ZBTB46: variants seen among roughly 807,000 people sequenced by gnomAD.
The protein encoded by ZBTB46 is zinc finger and BTB domain-containing protein 46.
Under a neutral mutation model 44.1 loss-of-function variants are expected in ZBTB46, and 8 were observed. The observed-to-expected ratio is 0.18, with a 90% CI of 0.11 to 0.33. The LOEUF (loss-of-function observed/expected upper bound fraction) is 0.33. ZBTB46 is among the 10% of genes least tolerant of loss of function. The pLI is 1.00. For synonymous variants in ZBTB46, 409 were observed against 382.3 expected (o/e 1.07, Z -0.81); for missense variants, 651 against 847.7 (o/e 0.77, Z 2.88).
At chr20:63,830,577 G>C (rs1479072977) in intron 1 of ZBTB46, among the ~76,000 whole-genome samples, 3 of 150,244 alleles carry the variant, frequency 2.0e-5, no homozygotes, top group Non-Finnish European at 4.5e-5. Context: ...TCCGACTCTT[G>C]GCAAACTCGG....
intron 1 of ZBTB46, among the ~76,000 whole-genome samples, chr20:63,801,143 G>A (rs952555201): frequency 1.1e-4 from 16 of 152,130 alleles, no homozygotes; most frequent in African/African-American, 3.4e-4. Context: ...ACCAATCAGT[G>A]CTCTGTGTCT....
intron 3 of ZBTB46, among the ~76,000 whole-genome samples, chr20:63,772,929 G>T (rs2092389003): frequency 6.6e-6 from 1 of 152,282 alleles, no homozygotes; most frequent in African/African-American, 2.4e-5. Context: ...GTGCTCCGGG[G>T]CTCGCTTCCG....
intron 4 of ZBTB46, among the ~76,000 whole-genome samples, chr20:63,747,542 G>GGC (rs1555835449): frequency 1.3e-4 from 13 of 103,760 alleles, no homozygotes; most frequent in Admixed American, 1.9e-4. Flanking sequence ...TGGGTGGGGG[G>GGC]GGTGCGGGGG....
At chr20:63,797,266 C>T (rs960072325) in intron 1 of ZBTB46, among the ~76,000 whole-genome samples, 3 of 149,650 alleles carry the variant, frequency 2.0e-5, no homozygotes, top group Admixed American at 1.4e-4. Flanking sequence ...GGTTTTCTGT[C>T]CTTGTGATAG....
intron 3 of ZBTB46, among the ~76,000 whole-genome samples, chr20:63,766,604 G>A (rs1204177188): frequency 6.6e-6 from 1 of 151,870 alleles, no homozygotes; most frequent in Non-Finnish European, 1.5e-5. Context: ...TGCATAAAGA[G>A]GCGTCTGGCA....
intron 3 of ZBTB46, among the ~76,000 whole-genome samples, chr20:63,758,446 T>C (rs969963030): frequency 1.3e-5 from 2 of 152,004 alleles, no homozygotes; most frequent in Admixed American, 1.3e-4. Flanking sequence ...ACCCTGGTGC[T>C]TCCCCATGTG....
rs747709763 is a variant in ZBTB46 at position 63,790,656 on chromosome 20, G to A, written c.102C>T (p.Cys34=). The A allele has an allele frequency of 4.0e-5, 65 of 1,611,608 alleles. No homozygotes were observed. In the South Asian group the frequency reaches 6.9e-4, roughly 17 times the overall value. The change falls in exon 2 of 5, where the codon TGC becomes TGT. Residue 34 remains cysteine (C), a synonymous_variant. Transcript: ENST00000245663. ...TGAAGACCTTGCCCTCCACGACCAC[G>A]CAGACGTCGCACAGGACGCCGTGCT... The part of the protein sequence containing the change: ...QRQHGVLCDV[C]VVVEGKVFKA...
At position 63,766,205 on chromosome 20, in the gene ZBTB46, C is replaced by CT. The variant is rs10525501; in HGVS notation, c.1222+9472dup. On this transcript the variant is annotated intron_variant, in intron 3 of 4. Coordinates refer to ENST00000245663, the MANE Select transcript of ZBTB46 (RefSeq NM_001369741.1). ...TCTCAGGCCCAACAGCTGAGAGATC[C>CT]TTTTTTTTTTTTTTTTTTTTTTTTT... Among the ~76,000 whole-genome samples the CT allele has an allele frequency of 8.8e-3, 717 of 81,714 alleles. 39 individuals carry two copies. The highest frequency in any genetic ancestry group is 0.025 in the Middle Eastern group (4 of 160). 53.6% of individuals were successfully genotyped at this position (81,714 alleles called of 152,430 possible).
In ZBTB46 at chr20:63,746,918, C is replaced by T. The variant is rs759301065; in HGVS notation, c.*12G>A. On this transcript the variant is annotated 3_prime_UTR_variant, in exon 5 of 5. Coordinates refer to ENST00000245663, the MANE Select transcript of ZBTB46 (RefSeq NM_001369741.1). ...GGAGCGAGGCAGCCACCGACCCTGC[C>T]GGCGGGCGGGCCTAGGAGAGCCAGG... The T allele has an allele frequency of 4.8e-5, 73 of 1,513,246 alleles. No homozygotes were observed. The highest frequency in any genetic ancestry group is 1.4e-4 in the South Asian group (11 of 78,002). 93.7% of individuals were successfully genotyped at this position (1,513,246 alleles called of 1,614,324 possible).
At chr20:63,806,212 GC>G (rs2092680254) in intron 1 of ZBTB46, among the ~76,000 whole-genome samples, 1 of 149,794 alleles carries the variant, frequency 6.7e-6, no homozygotes, top group African/African-American at 2.4e-5. Flanking sequence ...GACCAACCTG[GC>G]CAACATAGTG....
intron 1 of ZBTB46, among the ~76,000 whole-genome samples, chr20:63,791,729 C>A (rs986009582): frequency 1.3e-5 from 2 of 152,178 alleles, no homozygotes; most frequent in East Asian, 3.9e-4. Flanking sequence ...TGAGACACGA[C>A]TGGTCTCTGG....
intron 1 of ZBTB46, among the ~76,000 whole-genome samples, chr20:63,822,777 G>C (rs1301456549): frequency 4.6e-5 from 7 of 152,288 alleles, no homozygotes; most frequent in African/African-American, 1.7e-4. Context: ...ACTTTGGGAG[G>C]CTGAGGCAGG....
rs777303570 is a variant in ZBTB46 at position 63,747,211 on chromosome 20, G to A, written c.1489C>T (p.Arg497Cys). 3.1e-6 allele frequency: 5 copies of A among 1,602,348 alleles called. No individual in the cohort carries two copies. The highest frequency in any genetic ancestry group is 2.3e-5 in the East Asian group (1 of 44,260). ...GCACAGTCGGTGCACACACCGTGGC[G>A]CCTGGAGCCATGCCTGATGCCCACG... ...ASVGIRHGSR[R>C]HGVCTDCAGR... Residue 497 changes from arginine to cysteine, a missense_variant, in exon 5 of 5, where the codon CGC (arginine) becomes TGC (cysteine). By Grantham distance (180) the Arg-to-Cys change is radical. Around this residue, in one of 5 missense-constraint regions of ZBTB46, gnomAD observed 75 missense variants for 107.8 expected, o/e 0.70. Coordinates refer to ENST00000245663, the MANE Select transcript of ZBTB46 (RefSeq NM_001369741.1).
intron 3 of ZBTB46, among the ~76,000 whole-genome samples, chr20:63,754,888 C>G (rs193111767): frequency 6.6e-6 from 1 of 151,854 alleles, no homozygotes; most frequent in East Asian, 1.9e-4. Context: ...CGTGAGCCAC[C>G]GCGCCTGGCC....
Position 63,803,411 on chromosome 20 carries a change from G to C in ZBTB46, c.-33-12621C>G. On this transcript the variant is annotated intron_variant, in intron 1 of 4. Transcript: ENST00000245663. This position sits in a 1 kb window ranked among gnomAD's most constrained non-coding sequence, Gnocchi z 4.0. ...AAACACTCCAAGACATGTTAGCAGAGTCGTCTTTCGACAGCGAGACCGGTG... is the reference window on the plus strand; with the variant it reads ...AAACACTCCAAGACATGTTAGCAGACTCGTCTTTCGACAGCGAGACCGGTG... 1.0e-6 allele frequency: 1 copy of C among 985,456 alleles called. No homozygotes were observed. Among genetic ancestry groups the C allele is most frequent in the Non-Finnish European group, 1.2e-6 (1 of 829,932 alleles). 61.0% of individuals were successfully genotyped at this position (985,456 alleles called of 1,614,324 possible).
intron 1 of ZBTB46, among the ~76,000 whole-genome samples, chr20:63,830,482 G>A (rs1010353046): frequency 6.6e-5 from 10 of 150,808 alleles, no homozygotes; most frequent in Non-Finnish European, 1.2e-4. Context: ...TTAAGATGGA[G>A]ACCAGGCCGG....
chr20:63,789,057 TCCAC>T (rs1263020118), intron 2 of ZBTB46, among the ~76,000 whole-genome samples: 2 of 150,346 alleles, frequency 1.3e-5, no homozygotes, highest in African/African-American at 4.9e-5. Context: ...CCTCAGGTGA[TCCAC>T]CCACCTCAGC....
intron 3 of ZBTB46, among the ~76,000 whole-genome samples, chr20:63,771,884 G>A (rs985148413): frequency 5.9e-5 from 9 of 152,122 alleles, no homozygotes; most frequent in Non-Finnish European, 1.0e-4. Flanking sequence ...CCTGTCCCCC[G>A]CCGAGTTCTA....
chr20:63,802,837 G>A (rs1345981614), intron 1 of ZBTB46, among the ~76,000 whole-genome samples: 5 of 147,066 alleles, frequency 3.4e-5, no homozygotes, highest in African/African-American at 1.0e-4. Context: ...AGGAACCGCC[G>A]CGGCCGACGA....
Sources: gnomAD v4.1 joint callset for allele counts (sites outside exome capture counted in the v4.1 genomes callset) on GRCh38, gnomAD v4.1.1 for gene constraint, gnomAD v4.1.1 regional missense constraint, Gnocchi (gnomAD v3.1) non-coding constraint, MANE v1.5 for transcripts, NCBI Gene and HGNC (gene_info 2026-07-23, HGNC 2026-07-21) for gene names.